The following MACROD2 variants were observed in gnomAD, a reference collection of about 807,000 sequenced individuals.
MACROD2 encodes ADP-ribose glycohydrolase MACROD2.
MACROD2 carries 36 observed loss-of-function variants against 70.4 expected under a neutral mutation model. The observed-to-expected ratio is 0.51, with a 90% CI of 0.39 to 0.68. The LOEUF (loss-of-function observed/expected upper bound fraction) is 0.68. Ranked by LOEUF, MACROD2 falls within the 30% of genes least tolerant of loss-of-function variation. The pLI, the probability that MACROD2 is intolerant of heterozygous loss-of-function variation, is 0.00. For missense variants in MACROD2, 496 were observed against 538.4 expected (o/e 0.92, Z 0.78); for synonymous variants, 172 against 178.8 (o/e 0.96, Z 0.30).
At chr20:14,100,940 C>G (rs1224006741) in intron 3 of MACROD2, among the ~76,000 whole-genome samples, 1 of 148,786 alleles carries the variant, frequency 6.7e-6, no homozygotes, top group Non-Finnish European at 1.5e-5. Context: ...GTTTTGACAT[C>G]TTTACCGTAT....
chr20:14,172,378 C>T (rs1375291685), intron 3 of MACROD2, among the ~76,000 whole-genome samples: 2 of 144,074 alleles, frequency 1.4e-5, no homozygotes, highest in South Asian at 4.4e-4. Flanking sequence ...GATCTCGGCT[C>T]ACTGCAACTT....
intron 5 of MACROD2, among the ~76,000 whole-genome samples, chr20:15,178,859 C>T (rs1028654894): frequency 1.3e-5 from 2 of 152,188 alleles, no homozygotes; most frequent in African/African-American, 4.8e-5. Context: ...TTCCATGGCT[C>T]TCTATGCTTT....
At chr20:14,329,732 T>C (rs188342034) in intron 3 of MACROD2, among the ~76,000 whole-genome samples, 18 of 151,940 alleles carry the variant, frequency 1.2e-4, no homozygotes, top group Admixed American at 1.1e-3. Context: ...AAGGTAACTT[T>C]TTAGGCATTT....
At chr20:14,657,718 CTTG>C (rs1212704758) in intron 4 of MACROD2, among the ~76,000 whole-genome samples, 4 of 152,046 alleles carry the variant, frequency 2.6e-5, no homozygotes, top group Non-Finnish European at 5.9e-5. Context: ...GAGGCTTATT[CTTG>C]TTGTTATTTA....
At chr20:14,301,133 GAGATCACACACCTAGT>G (rs542123985) in intron 3 of MACROD2, among the ~76,000 whole-genome samples, 7 of 152,102 alleles carry the variant, frequency 4.6e-5, no homozygotes, top group Non-Finnish European at 8.8e-5. Context: ...TAATTTACCT[GAGATCACACACCTAGT>G]AGGTGGTAGA....
At position 15,425,510 on chromosome 20, in the gene MACROD2, A is replaced by T. The variant is rs189811594; in HGVS notation, c.541-5895A>T. Among the ~76,000 whole-genome samples, 303 of 152,356 alleles carry T rather than the reference A, an allele frequency of 2.0e-3. 2 individuals carry two copies. The highest frequency in any genetic ancestry group is 2.8e-3 in the Non-Finnish European group (193 of 68,034). ...CACTTAAATGGAAGGTATATCAGGT[A>T]GCATGGTTTTGCTTGCAAATAATGG... is the stretch of plus-strand genomic sequence containing the variant. On this transcript the variant is annotated intron_variant, in intron 6 of 17. Coordinates refer to ENST00000684519, the MANE Select transcript of MACROD2 (RefSeq NM_001351661.2).
intron 8 of MACROD2, among the ~76,000 whole-genome samples, chr20:15,706,720 T>G (rs1476664812): frequency 6.6e-6 from 1 of 152,214 alleles, no homozygotes. Context: ...GGATGAAAAT[T>G]TATCCAGTTT....
At chr20:15,708,308 G>A (rs1454153343) in intron 8 of MACROD2, among the ~76,000 whole-genome samples, 5 of 152,072 alleles carry the variant, frequency 3.3e-5, no homozygotes. Flanking sequence ...GGAAAATAAG[G>A]ACTATGGAAG....
intron 8 of MACROD2, among the ~76,000 whole-genome samples, chr20:15,774,047 C>A (rs200678048): frequency 1.0e-5 from 1 of 97,550 alleles, no homozygotes; most frequent in Non-Finnish European, 2.4e-5. Context: ...AAAATATTTT[C>A]TCTCTTTCTC....
chr20:14,458,291 A>G (rs1160648648), intron 3 of MACROD2, among the ~76,000 whole-genome samples: 3 of 152,232 alleles, frequency 2.0e-5, no homozygotes, highest in African/African-American at 7.2e-5. Flanking sequence ...GCATATTTTA[A>G]CATATTTCAA....
chr20:14,534,623 T>G (rs557277023), intron 4 of MACROD2, among the ~76,000 whole-genome samples: 34 of 152,354 alleles, frequency 2.2e-4, no homozygotes, highest in Non-Finnish European at 3.1e-4. Context: ...GCATTTCAAT[T>G]GAGCATCTAC....
At chr20:15,842,054 A>C (rs966428182) in intron 8 of MACROD2, among the ~76,000 whole-genome samples, 2 of 152,110 alleles carry the variant, frequency 1.3e-5, no homozygotes, top group African/African-American at 4.8e-5. Context: ...TATGGTCCCA[A>C]GAGAAGAGTC....
chr20:14,682,099 C>T (rs2070939723), intron 4 of MACROD2, among the ~76,000 whole-genome samples: 1 of 152,030 alleles, frequency 6.6e-6, no homozygotes, highest in Admixed American at 6.6e-5. Flanking sequence ...ACTGGGATAA[C>T]CATGAAAATT....
intron 8 of MACROD2, among the ~76,000 whole-genome samples, chr20:15,811,762 G>A (rs1433397979): frequency 1.3e-5 from 2 of 152,178 alleles, no homozygotes; most frequent in African/African-American, 2.4e-5. Context: ...AGGAAATAGA[G>A]ATGGTATCTA....
intron 8 of MACROD2, among the ~76,000 whole-genome samples, chr20:15,531,010 T>TG (rs1600543469): frequency 1.3e-5 from 2 of 151,278 alleles, no homozygotes; most frequent in African/African-American, 4.8e-5. Context: ...CTTTTTTTTT[T>TG]TTTTTACAAA....
chr20:15,974,828 T>C (rs574328105), intron 13 of MACROD2, among the ~76,000 whole-genome samples: 21 of 152,168 alleles, frequency 1.4e-4, no homozygotes, highest in African/African-American at 4.8e-4. Flanking sequence ...CACAGGATGG[T>C]ATGCATATGT....
At chr20:14,484,959 G>A (rs558314465) in intron 3 of MACROD2, among the ~76,000 whole-genome samples, 3 of 152,036 alleles carry the variant, frequency 2.0e-5, no homozygotes, top group South Asian at 4.2e-4. Context: ...ATACCTAGGG[G>A]TGTGATTGCT....
At chr20:14,493,671 G>T in intron 4 of MACROD2, 163 bp downstream of exon 4, 1 of 561,666 alleles carries the variant, frequency 1.8e-6, no homozygotes, top group African/African-American at 1.9e-5. Context: ...TAAATACCTT[G>T]GTTTGCTTAA....
chr20:14,003,301 C>A (rs1349459259), intron 2 of MACROD2, among the ~76,000 whole-genome samples: 1 of 152,072 alleles, frequency 6.6e-6, no homozygotes, highest in Non-Finnish European at 1.5e-5. Flanking sequence ...ACACATTGAC[C>A]TGAGGATTTG....
Sources: gnomAD v4.1 joint callset for allele counts (sites outside exome capture counted in the v4.1 genomes callset) on GRCh38, gnomAD v4.1.1 for gene constraint, MANE v1.5 for transcripts, NCBI Gene and HGNC (gene_info 2026-07-23, HGNC 2026-07-21) for gene names.